The following ERCC6L2 variants were observed in gnomAD, a reference collection of about 807,000 sequenced individuals.
ERCC6L2 encodes ERCC excision repair 6 like 2, also known as DNA excision repair protein ERCC-6-like 2.
ERCC6L2 carries 77 observed loss-of-function variants against 132.0 expected under a neutral mutation model. The observed-to-expected ratio is 0.58, with a 90% CI of 0.49 to 0.71. The LOEUF is 0.71. Ranked by LOEUF, ERCC6L2 falls within the 30% of genes least tolerant of loss-of-function variation. The pLI, the probability that ERCC6L2 is intolerant of heterozygous loss-of-function variation, is 0.00. For missense variants in ERCC6L2, 1,542 were observed against 1,837.6 expected (o/e 0.84, Z 2.94); for synonymous variants, 583 against 632.4 (o/e 0.92, Z 1.17).
chr9:96,019,933 C>G (rs1025171885), downstream of ERCC6L2: 3 of 152,264 alleles, frequency 2.0e-5, no homozygotes, highest in African/African-American at 7.2e-5. Context: ...CGCGTGTAAT[C>G]CCAGCACTTT....
intron 19 of ERCC6L2, among the ~76,000 whole-genome samples, chr9:96,037,056 G>A (rs1446348291): frequency 1.3e-5 from 2 of 152,078 alleles, no homozygotes; most frequent in East Asian, 1.9e-4. Flanking sequence ...GTGAGCCACT[G>A]CGCCCGGCCC....
chr9:95,990,054 A>G, intron 17 of ERCC6L2, among the ~76,000 whole-genome samples: 1 of 152,208 alleles, frequency 6.6e-6, no homozygotes, highest in East Asian at 1.9e-4. Context: ...ACAAGTCATG[A>G]AGGGCCTTTC....
chr9:96,027,456 C>G (rs941383501), intron 19 of ERCC6L2, among the ~76,000 whole-genome samples: 1 of 152,130 alleles, frequency 6.6e-6, no homozygotes, highest in Non-Finnish European at 1.5e-5. Flanking sequence ...CAGCCCGGCG[C>G]GGGAGAGGCT....
Position 95,939,714 on chromosome 9 carries a change from T to C in ERCC6L2, c.1752-1740T>C, listed in dbSNP as rs528198556. 2.0e-5 allele frequency among the ~76,000 whole-genome samples: 3 copies of C among 152,358 alleles called. No homozygotes were observed. In the South Asian group the frequency reaches 6.2e-4, roughly 32 times the overall value. On this transcript the variant is annotated intron_variant, in intron 11 of 18. Transcript: ENST00000653738. ...TCAATTTTTTTGTTTGTTTCAAGCATGTTTGTAATTGCTTGTTGAAACATT... is the reference window on the plus strand; with the variant it reads ...TCAATTTTTTTGTTTGTTTCAAGCACGTTTGTAATTGCTTGTTGAAACATT...
chr9:96,026,644 CA>C (rs1834369166), intron 19 of ERCC6L2, among the ~76,000 whole-genome samples: 1 of 143,052 alleles, frequency 7.0e-6, no homozygotes, highest in Non-Finnish European at 1.6e-5. Context: ...CACACACAAA[CA>C]CACCACACAC....
intron 3 of ERCC6L2, among the ~76,000 whole-genome samples, chr9:95,902,467 C>T (rs1828827908): frequency 6.6e-6 from 1 of 152,194 alleles, no homozygotes; most frequent in Admixed American, 6.5e-5. Context: ...ATTTTATTTA[C>T]TATACACTAT....
chr9:95,891,069 G>T (rs1288671162), intron 2 of ERCC6L2, among the ~76,000 whole-genome samples: 3 of 152,124 alleles, frequency 2.0e-5, no homozygotes. Context: ...AAAATTAGCT[G>T]GGCATGGTGG....
rs779459875 is a variant in ERCC6L2, at chr9:96,012,834, A to G, written c.4284A>G (p.Pro1428=). The change falls in exon 19 of 19, where the codon CCA becomes CCG. Residue 1428 remains proline, a synonymous_variant. Coordinates refer to ENST00000653738, the MANE Select transcript of ERCC6L2 (RefSeq NM_020207.7). The part of the protein sequence containing the change: ...LKLENKKIEN[P]VLENTSVISL... ...TGGAAAACAAAAAGATAGAAAATCC[A>G]GTGCTGGAAAATACTTCTGTGATAA... The G allele has an allele frequency of 7.3e-7, 1 of 1,367,616 alleles. No individual in the cohort carries two copies. Among genetic ancestry groups the G allele is most frequent in the Non-Finnish European group, 9.8e-7 (1 of 1,021,848 alleles). The allele number at this position is 1,367,616 out of a possible 1,614,324, so 84.7% of individuals were successfully genotyped here.
chr9:96,011,317 T>G (rs1228671709), intron 18 of ERCC6L2, among the ~76,000 whole-genome samples: 2 of 152,208 alleles, frequency 1.3e-5, no homozygotes, highest in African/African-American at 4.8e-5. Context: ...CTGGCATCTC[T>G]TCTAAGGACA....
At chr9:95,911,319 C>T (rs1829329538) in intron 4 of ERCC6L2, among the ~76,000 whole-genome samples, 1 of 152,160 alleles carries the variant, frequency 6.6e-6, no homozygotes. Context: ...TGTCTGTCCC[C>T]TTAGACTGTA....
Position 95,941,480 on chromosome 9 carries a change from T to G in ERCC6L2, c.1778T>G (p.Val593Gly), listed in dbSNP as rs756338348. 6.2e-7 allele frequency: 1 copy of G among 1,613,096 alleles called. No homozygotes were observed. The highest frequency in any genetic ancestry group is 1.1e-5 in the South Asian group (1 of 91,026). ...GCTGGTGGACTAGGCCTCAATTTTG[T>G]CGGTGCCAATGTTGTTGTATTATTT... ...TMAGGLGLNFVGANVVVLFDP... is the reference protein window; with the variant it reads ...TMAGGLGLNFGGANVVVLFDP... The change falls in exon 12 of 19, where the codon GTC (valine) becomes GGC (glycine). Residue 593 changes from valine (V) to glycine (G), a missense_variant. This residue lies in a region of ERCC6L2 where 945 missense variants were observed against 1,105.2 expected (regional missense o/e 0.86). Coordinates refer to ENST00000653738, the MANE Select transcript of ERCC6L2 (RefSeq NM_020207.7).
chr9:95,908,312 T>C (rs1423969507), intron 4 of ERCC6L2, among the ~76,000 whole-genome samples: 1 of 152,032 alleles, frequency 6.6e-6, no homozygotes, highest in African/African-American at 2.4e-5. Context: ...CCAGTATGAC[T>C]GGTATCCTTA....
chr9:95,907,102 T>G lies in ERCC6L2; in HGVS notation c.619T>G (p.Ser207Ala), dbSNP rs749818690. The change falls in exon 4 of 19, where the codon TCT (serine) becomes GCT (alanine). Residue 207 changes from serine (S) to alanine (A), a missense_variant. This residue lies in a region of ERCC6L2 where 945 missense variants were observed against 1,105.2 expected (regional missense o/e 0.86). Transcript: ENST00000653738. ...KKMFLIVAPL[S>A]VLYNWKDELD... ...GATGTTCTTAATAGTTGCTCCTCTT[T>G]CTGTCCTCTACAACTGGAAGGATGA... is the stretch of plus-strand genomic sequence containing the variant. 6.2e-7 allele frequency: 1 copy of G among 1,609,640 alleles called. No individual in the cohort carries two copies. The highest frequency in any genetic ancestry group is 1.3e-5 in the African/African-American group (1 of 74,640).
chr9:96,006,536 G>T (rs989670186), intron 18 of ERCC6L2, among the ~76,000 whole-genome samples: 2 of 152,236 alleles, frequency 1.3e-5, no homozygotes, highest in African/African-American at 4.8e-5. Flanking sequence ...AAGTTTGAAT[G>T]TAAAAAGTAG....
chr9:95,903,940 A>C (rs1419152680), intron 3 of ERCC6L2, among the ~76,000 whole-genome samples: 5 of 152,166 alleles, frequency 3.3e-5, no homozygotes, highest in Admixed American at 2.6e-4. Flanking sequence ...ATTTAATGCC[A>C]AAACTTGATA....
downstream of ERCC6L2, chr9:96,021,275 CT>C (rs1346681988): frequency 1.2e-5 from 4 of 344,560 alleles, no homozygotes; most frequent in Admixed American, 1.2e-4. The surrounding 1 kb of genome is among the most constrained non-coding windows in gnomAD (Gnocchi z 4.7). Flanking sequence ...AATCAGGCTG[CT>C]TTTCTCTGTA....
At chr9:95,955,791 T>C (rs1386110710) in intron 12 of ERCC6L2, 123 bp from the exon 13 acceptor site, 3 of 512,064 alleles carry the variant, frequency 5.9e-6, no homozygotes, top group South Asian at 3.2e-5. Flanking sequence ...TATTTAAACA[T>C]AAAATGTTTA....
At chr9:95,883,369 G>A (rs1389645641) in intron 2 of ERCC6L2, among the ~76,000 whole-genome samples, 1 of 152,192 alleles carries the variant, frequency 6.6e-6, no homozygotes, top group African/African-American at 2.4e-5. Context: ...TGTATGGTGA[G>A]CAGCAGGTCT....
At chr9:95,898,940 C>T (rs1230800337) in intron 3 of ERCC6L2, among the ~76,000 whole-genome samples, 2 of 151,830 alleles carry the variant, frequency 1.3e-5, no homozygotes, top group Non-Finnish European at 2.9e-5. Context: ...TCAATGTGAT[C>T]CTGAAGAGAA....
Sources: allele counts gnomAD v4.1 joint callset (sites outside exome capture counted in the v4.1 genomes callset), GRCh38; gene constraint gnomAD v4.1.1; regional missense constraint gnomAD v4.1.1; non-coding constraint Gnocchi (gnomAD v3.1); transcripts MANE v1.5; gene names NCBI Gene and HGNC (gene_info 2026-07-23, HGNC 2026-07-21).